Variants in SGCE observed in about 807,000 individuals in gnomAD.
SGCE encodes the protein epsilon-sarcoglycan.
Under a neutral mutation model 57.8 loss-of-function variants are expected in SGCE, and 26 were observed. The ratio of observed to expected loss-of-function variants is 0.45; its 90% confidence interval spans 0.33 to 0.62. The LOEUF is 0.62. Ranked by LOEUF, SGCE falls within the 20% of genes least tolerant of loss-of-function variation. The pLI, the probability that SGCE is intolerant of heterozygous loss-of-function variation, is 0.02. For synonymous variants in SGCE, 183 were observed against 189.5 expected (o/e 0.97, Z 0.28); for missense variants, 468 against 548.6 (o/e 0.85, Z 1.47).
chr7:94,609,027 C>T (rs1800596236), intron 5 of SGCE, among the ~76,000 whole-genome samples: 1 of 152,104 alleles, frequency 6.6e-6, no homozygotes, highest in East Asian at 1.9e-4. Flanking sequence ...TTAGTTACAA[C>T]ACCAAAGGCA....
intron 5 of SGCE, among the ~76,000 whole-genome samples, chr7:94,608,614 AAAC>A (rs1800524904): frequency 6.6e-6 from 1 of 152,238 alleles, no homozygotes; most frequent in Non-Finnish European, 1.5e-5. Context: ...AGAATAGCCA[AAAC>A]AATATTGAAG....
chr7:94,595,612 C>T (rs772076248), intron 9 of SGCE, among the ~76,000 whole-genome samples: 15 of 152,050 alleles, frequency 9.9e-5, no homozygotes, highest in Non-Finnish European at 1.9e-4. Context: ...ACATTTTAAT[C>T]TTGAGAATTC....
intron 3 of SGCE, chr7:94,624,944 A>G (rs1803450260): frequency 6.6e-6 from 1 of 151,964 alleles, no homozygotes; most frequent in South Asian, 2.1e-4. Flanking sequence ...GAATTTTATT[A>G]CCTGATTTTA....
intron 5 of SGCE, among the ~76,000 whole-genome samples, chr7:94,607,413 T>C (rs1024453378): frequency 6.6e-6 from 1 of 152,068 alleles, no homozygotes; most frequent in Admixed American, 6.6e-5. Context: ...CAACAAAATA[T>C]TAGCAAATCA....
At chr7:94,606,049 G>A (rs551642020) in intron 5 of SGCE, among the ~76,000 whole-genome samples, 5 of 151,854 alleles carry the variant, frequency 3.3e-5, no homozygotes, top group African/African-American at 1.2e-4. Context: ...GGCTGGTCTC[G>A]AACTCCTGAC....
At chr7:94,591,273 A>G (rs1797640822) in intron 9 of SGCE, among the ~76,000 whole-genome samples, 1 of 152,178 alleles carries the variant, frequency 6.6e-6, no homozygotes, top group African/African-American at 2.4e-5. Context: ...ATGCAATTAG[A>G]TGGGCATCTC....
chr7:94,618,868 A>T lies in SGCE; in HGVS notation c.552T>A (p.Leu184=). The T allele has an allele frequency of 6.2e-7, 1 of 1,614,076 alleles. No homozygotes were observed. Among genetic ancestry groups the T allele is most frequent in the Non-Finnish European group, 8.5e-7 (1 of 1,179,964 alleles). ...GCTGCCACACATTTTTCACTGCGCC[A>T]AGAAAGTCTCCAAGAACCTCACTGG... ...MLASEVLGDF[L]GAVKNVWQPE... is the part of the protein sequence containing the mutation. Residue 184 remains leucine, a synonymous_variant, in exon 5 of 11, where the codon CTT becomes CTA. Coordinates refer to ENST00000648936, the MANE Select transcript of SGCE (RefSeq NM_003919.3).
intron 1 of SGCE, among the ~76,000 whole-genome samples, chr7:94,640,212 T>C (rs976629355): frequency 3.9e-5 from 6 of 152,144 alleles, no homozygotes; most frequent in Non-Finnish European, 7.4e-5. Flanking sequence ...CTTAGGGTAC[T>C]AGTTGGACAT....
intron 6 of SGCE, among the ~76,000 whole-genome samples, chr7:94,602,864 T>C (rs972144448): frequency 6.6e-6 from 1 of 152,202 alleles, no homozygotes; most frequent in African/African-American, 2.4e-5. Context: ...ATTTGAGTTG[T>C]CAGAACATTA....
chr7:94,626,811 G>A (rs1803789029), intron 3 of SGCE: 1 of 151,936 alleles, frequency 6.6e-6, no homozygotes, highest in Admixed American at 6.6e-5. Context: ...GAAGAATGAT[G>A]TTTGCTATTA....
At chr7:94,630,126 C>T (rs1229945194) in intron 1 of SGCE, among the ~76,000 whole-genome samples, 1 of 151,888 alleles carries the variant, frequency 6.6e-6, no homozygotes, top group Non-Finnish European at 1.5e-5. Context: ...AATAATGAAG[C>T]TATCCATAAT....
At position 94,603,325 on chromosome 7, in the gene SGCE, T is replaced by G; in HGVS notation, c.790A>C (p.Thr264Pro). Residue 264 changes from threonine to proline, a missense_variant, in exon 6 of 11, where the codon ACT (threonine) becomes CCT (proline). Physicochemically the swap from Thr to Pro is conservative, Grantham distance 38 (BLOSUM62 -1). Coordinates refer to ENST00000648936, the MANE Select transcript of SGCE (RefSeq NM_003919.3). ...TTGCACCAGTCAATGTAAAATTGAG[T>G]ACGAAATTTTTTATCACATGTTATT... ...PVITCDKKFR[T>P]QFYIDWCKIS... 5 of 1,612,600 alleles carry G rather than the reference T, an allele frequency of 3.1e-6. No homozygotes were observed. Among genetic ancestry groups the G allele is most frequent in the Non-Finnish European group, 4.2e-6 (5 of 1,179,128 alleles).
chr7:94,634,704 C>T (rs1294630248), intron 1 of SGCE, among the ~76,000 whole-genome samples: 2 of 152,160 alleles, frequency 1.3e-5, no homozygotes, highest in Non-Finnish European at 2.9e-5. Context: ...TCTATTTTGG[C>T]TGCCGAAAGA....
At chr7:94,624,180 C>T (rs201267373) in intron 3 of SGCE, 19 of 318,516 alleles carry the variant, frequency 6.0e-5, no homozygotes, top group African/African-American at 3.7e-4. Flanking sequence ...AAAAAAAAAA[C>T]AAATGATTGT....
intron 3 of SGCE, chr7:94,624,237 G>A (rs1401005647): frequency 6.6e-5 from 26 of 396,010 alleles, no homozygotes; most frequent in Non-Finnish European, 1.0e-4. Context: ...AATGATTGCA[G>A]CTGGAGGTGA....
At chr7:94,649,425 GGGA>G (rs1415372247) in intron 1 of SGCE, among the ~76,000 whole-genome samples, 2 of 152,116 alleles carry the variant, frequency 1.3e-5, no homozygotes, top group East Asian at 3.9e-4. Context: ...GTAGACACTG[GGGA>G]TTATTACTTC....
rs1346358417 is a variant in SGCE at position 94,629,788 on chromosome 7, C to A, written c.163G>T (p.Gly55Cys). ...HSDRNVYPSA[G>C]VLFVHVLERE... ...TCCAAAACATGAACAAAGAGGACACCTGCTGATGGGTATACATTCCGATCG... is the reference window on the plus strand; with the variant it reads ...TCCAAAACATGAACAAAGAGGACACATGCTGATGGGTATACATTCCGATCG... Residue 55 changes from glycine to cysteine, a missense_variant, in exon 2 of 11, where the codon GGT becomes TGT. Gly to Cys is a radical substitution (Grantham distance 159). Coordinates refer to ENST00000648936, the MANE Select transcript of SGCE (RefSeq NM_003919.3). The A allele has an allele frequency of 6.2e-7, 1 of 1,610,884 alleles. No homozygotes were observed. Among genetic ancestry groups the A allele is most frequent in the African/African-American group, 1.3e-5 (1 of 74,726 alleles).
intron 1 of SGCE, among the ~76,000 whole-genome samples, chr7:94,637,139 T>G (rs1451261166): frequency 6.6e-6 from 1 of 152,034 alleles, no homozygotes; most frequent in Non-Finnish European, 1.5e-5. Context: ...TCTTTTGTGC[T>G]CTCTTGAAAT....
chr7:94,589,017 A>G (rs555624760), intron 9 of SGCE: 2 of 420,824 alleles, frequency 4.8e-6, no homozygotes, highest in Admixed American at 7.0e-5. Context: ...TTCCCATTTT[A>G]TGGGTGAAGA....
Sources: allele counts gnomAD v4.1 joint callset (sites outside exome capture counted in the v4.1 genomes callset), GRCh38; gene constraint gnomAD v4.1.1; transcripts MANE v1.5; gene names NCBI Gene and HGNC (gene_info 2026-07-23, HGNC 2026-07-21).